The following NXPE2 variants were observed in gnomAD, a reference collection of about 807,000 sequenced individuals.
NXPE2 encodes neurexophilin and PC-esterase domain family member 2, also known as NXPE family member 2.
Under a neutral mutation model 34.4 loss-of-function variants are expected in NXPE2, and 34 were observed. That is an observed-to-expected ratio of 0.99 (90% CI 0.75 to 1.31). NXPE2 has a LOEUF of 1.31. NXPE2 is among the 40% of genes most tolerant of loss of function. NXPE2 has a pLI of 0.00. For synonymous variants in NXPE2, 235 were observed against 231.3 expected (o/e 1.02, Z -0.15); for missense variants, 649 against 672.5 (o/e 0.97, Z 0.39).
upstream of NXPE2, chr11:114,678,307 C>T: frequency 6.0e-6 from 2 of 333,994 alleles, no homozygotes; most frequent in Non-Finnish European, 5.5e-6. Flanking sequence ...AAAGGTGACT[C>T]AGTGCTGCAA....
the NXPE2 span, among the ~76,000 whole-genome samples, chr11:114,773,279 A>ACCCCCCCCCCCCCCCCCCCCCCCC: frequency 1.4e-5 from 1 of 69,360 alleles, no homozygotes; most frequent in Non-Finnish European, 2.8e-5. Flanking sequence ...ACCCACTCCC[A>ACCCCCCCCCCCCCCCCCCCCCCCC]CCCCCCCCCC....
chr11:114,491,229 C>G, the NXPE2 span, among the ~76,000 whole-genome samples: 1 of 150,806 alleles, frequency 6.6e-6, no homozygotes, highest in East Asian at 1.9e-4. Flanking sequence ...AACAGGCAAC[C>G]TACAGAATGG....
chr11:114,729,227 G>T, the NXPE2 span, among the ~76,000 whole-genome samples: 2 of 152,248 alleles, frequency 1.3e-5, no homozygotes, highest in African/African-American at 4.8e-5. Flanking sequence ...CTGCATTCAT[G>T]TTGCTGCAAA....
the NXPE2 span, among the ~76,000 whole-genome samples, chr11:114,734,754 T>A: frequency 1.3e-5 from 2 of 152,172 alleles, no homozygotes; most frequent in Non-Finnish European, 2.9e-5. Flanking sequence ...CAAGGAAAAG[T>A]AAGTACATGT....
upstream of NXPE2, among the ~76,000 whole-genome samples, chr11:114,677,889 T>C (rs1455204142): frequency 6.6e-6 from 1 of 152,082 alleles, no homozygotes; most frequent in Non-Finnish European, 1.5e-5. Flanking sequence ...GTAGTTGCAG[T>C]GTGACCACTG....
At chr11:114,522,507 A>G in the NXPE2 span, 1 of 1,571,218 alleles carries the variant, frequency 6.4e-7, no homozygotes, top group Non-Finnish European at 8.6e-7. Flanking sequence ...TTCAGTGCTG[A>G]TAAAAAAACA....
chr11:114,727,553 A>G, the NXPE2 span, among the ~76,000 whole-genome samples: 1 of 152,066 alleles, frequency 6.6e-6, no homozygotes, highest in Non-Finnish European at 1.5e-5. Flanking sequence ...AAAACAATAT[A>G]GGAACAGATT....
At chr11:114,700,502 G>A (rs1565389522) in intron 3 of NXPE2, among the ~76,000 whole-genome samples, 3 of 152,068 alleles carry the variant, frequency 2.0e-5, no homozygotes, top group African/African-American at 7.2e-5. Flanking sequence ...TGGAGGTGGA[G>A]TGCAGAAAGG....
chr11:114,742,460 A>T, the NXPE2 span, among the ~76,000 whole-genome samples: 4 of 152,182 alleles, frequency 2.6e-5, no homozygotes, highest in African/African-American at 4.8e-5. Flanking sequence ...GAGGCATCCC[A>T]CATGGCTGGG....
the NXPE2 span, among the ~76,000 whole-genome samples, chr11:114,467,970 G>A: frequency 6.6e-6 from 1 of 151,606 alleles, no homozygotes; most frequent in Non-Finnish European, 1.5e-5. Context: ...CAAAAAAACA[G>A]ATCCCTAAGA....
chr11:114,650,864 C>T, the NXPE2 span, among the ~76,000 whole-genome samples: 1 of 151,962 alleles, frequency 6.6e-6, no homozygotes, highest in African/African-American at 2.4e-5. Context: ...TGCCCTACCC[C>T]AAGAAACAAC....
At chr11:114,742,623 T>TTTTTC in the NXPE2 span, among the ~76,000 whole-genome samples, 2 of 150,918 alleles carry the variant, frequency 1.3e-5, no homozygotes, top group Admixed American at 1.3e-4. Context: ...TTCTTGGATT[T>TTTTTC]TTTTTTTTTT....
chr11:114,556,543 C>T, the NXPE2 span, among the ~76,000 whole-genome samples: 1 of 152,032 alleles, frequency 6.6e-6, no homozygotes, highest in East Asian at 1.9e-4. Flanking sequence ...ATTCAAGTTG[C>T]TTTGCACAGT....
At chr11:114,627,188 G>A in the NXPE2 span, among the ~76,000 whole-genome samples, 2 of 151,940 alleles carry the variant, frequency 1.3e-5, no homozygotes, top group East Asian at 3.9e-4. Context: ...GATACTCCTC[G>A]AGAAGAGCAA....
At chr11:114,770,567 A>G in the NXPE2 span, among the ~76,000 whole-genome samples, 1 of 152,238 alleles carries the variant, frequency 6.6e-6, no homozygotes, top group Non-Finnish European at 1.5e-5. Context: ...AGTTAACATC[A>G]CATTAATGCT....
At chr11:114,782,747 G>A in the NXPE2 span, among the ~76,000 whole-genome samples, 1 of 152,180 alleles carries the variant, frequency 6.6e-6, no homozygotes, top group Non-Finnish European at 1.5e-5. Flanking sequence ...TCAGGACGAG[G>A]TATGGTTCTT....
chr11:114,604,159 T>A, the NXPE2 span, among the ~76,000 whole-genome samples: 4 of 152,042 alleles, frequency 2.6e-5, no homozygotes, highest in Non-Finnish European at 1.5e-5. Flanking sequence ...GGAAAATAAG[T>A]ATTGCCTCGC....
chr11:114,698,192 C>A lies in NXPE2; in HGVS notation c.280C>A (p.Gln94Lys), dbSNP rs935700313. 1.9e-6 allele frequency: 3 copies of A among 1,614,198 alleles called. No individual in the cohort carries two copies. Among genetic ancestry groups the A allele is most frequent in the East Asian group, 2.2e-5 (1 of 44,886 alleles). Reference protein sequence around the residue: ...IKDIMEKLDQQIPPRPFTHVN... With the variant: ...IKDIMEKLDQKIPPRPFTHVN... ...GGACATTATGGAGAAACTAGACCAG[C>A]AGATCCCACCCAGACCTTTCACCCA... The change falls in exon 3 of 6, where the codon CAG becomes AAG. Residue 94 changes from glutamine (Q) to lysine (K), a missense_variant. By Grantham distance (53) the Gln-to-Lys change is moderately conservative. Coordinates refer to ENST00000389586, the MANE Select transcript of NXPE2 (RefSeq NM_182495.6).
the NXPE2 span, among the ~76,000 whole-genome samples, chr11:114,783,314 T>A: frequency 3.9e-5 from 6 of 152,200 alleles, no homozygotes; most frequent in Non-Finnish European, 8.8e-5. Flanking sequence ...TTTTCTACCA[T>A]CTGCTTCTCT....
Sources: allele counts gnomAD v4.1 joint callset (sites outside exome capture counted in the v4.1 genomes callset), GRCh38; gene constraint gnomAD v4.1.1; transcripts MANE v1.5; gene names NCBI Gene and HGNC (gene_info 2026-07-23, HGNC 2026-07-21).